The following HPCAL1 variants were observed in gnomAD, a reference collection of about 807,000 sequenced individuals.
HPCAL1 encodes hippocalcin-like protein 1.
In HPCAL1, 8 loss-of-function variants were observed where a neutral mutation model predicts 17.1. The observed-to-expected ratio is 0.47, with a 90% confidence interval of 0.27 to 0.84. HPCAL1 has a LOEUF of 0.84. Among genes scored for constraint, HPCAL1 ranks in the 40% least tolerant of loss-of-function variants. The pLI, the probability that HPCAL1 is intolerant of heterozygous loss-of-function variation, is 0.13. For synonymous variants in HPCAL1, 112 were observed against 111.4 expected, an observed-to-expected ratio of 1.01 and a Z score of -0.03; for missense variants, 165 against 271.1, an observed-to-expected ratio of 0.61 and a Z score of 2.75.
chr2:10,329,780 T>C (rs904114465), intron 1 of HPCAL1, among the ~76,000 whole-genome samples: 13 of 152,146 alleles, frequency 8.5e-5, no homozygotes, highest in African/African-American at 2.4e-4. Context: ...TGGGCCTGGG[T>C]TGGGGCTCCC....
intron 1 of HPCAL1, among the ~76,000 whole-genome samples, chr2:10,368,169 TTG>T (rs1558491251): frequency 6.7e-6 from 1 of 149,886 alleles, no homozygotes; most frequent in African/African-American, 2.5e-5. Context: ...TGTGTGTGCA[TTG>T]TGTGTAGGTT....
rs758517753 is a variant in HPCAL1, at chr2:10,420,044, A to C, written c.287A>C (p.Lys96Thr). ...IIALSVTSRGKLEQKLKWAFS... is the reference protein window; with the variant it reads ...IIALSVTSRGTLEQKLKWAFS... ...GCGCTGAGCGTGACCTCGCGGGGCA[A>C]GCTGGAGCAGAAGCTCAAGTGGGCC... is the stretch of plus-strand genomic sequence containing the variant. The change falls in exon 3 of 5, where the codon AAG (lysine) becomes ACG (threonine). Residue 96 changes from lysine (K) to threonine (T), a missense_variant. Coordinates refer to ENST00000307845, the MANE Select transcript of HPCAL1 (RefSeq NM_002149.4). The C allele has an allele frequency of 6.2e-7, 1 of 1,613,846 alleles. No homozygotes were observed. Among genetic ancestry groups the C allele is most frequent in the South Asian group, 1.1e-5 (1 of 91,080 alleles).
chr2:10,353,521 T>C (rs1376120408), intron 1 of HPCAL1, among the ~76,000 whole-genome samples: 1 of 152,206 alleles, frequency 6.6e-6, no homozygotes, highest in Non-Finnish European at 1.5e-5. Context: ...AGGACTGAAA[T>C]GATCAGCTTT....
chr2:10,309,471 T>C (rs990153024), intron 1 of HPCAL1, among the ~76,000 whole-genome samples: 2 of 152,236 alleles, frequency 1.3e-5, no homozygotes, highest in African/African-American at 4.8e-5. Context: ...AGTAATGATA[T>C]GCCCTTTTAT....
intron 2 of HPCAL1, among the ~76,000 whole-genome samples, chr2:10,405,751 G>A (rs555724215): frequency 2.6e-5 from 4 of 152,280 alleles, no homozygotes; most frequent in South Asian, 2.1e-4. Flanking sequence ...TGGGGGCCTC[G>A]GGCAGGAGCA....
At chr2:10,370,295 A>G (rs968522640) in intron 1 of HPCAL1, among the ~76,000 whole-genome samples, 5 of 152,218 alleles carry the variant, frequency 3.3e-5, no homozygotes, top group African/African-American at 1.2e-4. Flanking sequence ...GGGCACAGAG[A>G]AGCAGCCTGT....
rs749718464 is a variant in HPCAL1, at chr2:10,374,628, A to G, written c.-110-22207A>G. 1.9e-4 allele frequency among the ~76,000 whole-genome samples: 29 copies of G among 152,242 alleles called. 1 individual carries two copies. Among genetic ancestry groups the G allele is most frequent in the Non-Finnish European group, 4.3e-4 (29 of 68,042 alleles). Reference sequence around the variant, plus strand: ...CCTCCAGAAATGCAGGGAGACAGACACGGGCGTATTTAATTCAACTATAGC... The same window carrying G: ...CCTCCAGAAATGCAGGGAGACAGACGCGGGCGTATTTAATTCAACTATAGC... On this transcript the variant is annotated intron_variant, in intron 1 of 4. Transcript: ENST00000307845.
intron 2 of HPCAL1, among the ~76,000 whole-genome samples, chr2:10,414,720 G>A (rs1333612917): frequency 3.3e-5 from 5 of 152,110 alleles, no homozygotes; most frequent in Admixed American, 6.5e-5. Flanking sequence ...CTCTGGCCAC[G>A]TGCCAGAGAG....
At chr2:10,374,306 G>C (rs1428061572) in intron 1 of HPCAL1, among the ~76,000 whole-genome samples, 1 of 54,910 alleles carries the variant, frequency 1.8e-5, no homozygotes, top group Non-Finnish European at 2.9e-5. Context: ...CAAAATACAG[G>C]GCAAAAAAAA....
At chr2:10,378,229 T>G (rs1039596819) in intron 1 of HPCAL1, among the ~76,000 whole-genome samples, 6 of 147,320 alleles carry the variant, frequency 4.1e-5, no homozygotes, top group African/African-American at 1.5e-4. Flanking sequence ...TCATGTTTTT[T>G]TTTTTTTTTT....
rs143949755 is a variant in HPCAL1, at chr2:10,335,985, G to A, written c.-111+32808G>A. On this transcript the variant is annotated intron_variant, in intron 1 of 4. Coordinates refer to ENST00000307845, the MANE Select transcript of HPCAL1 (RefSeq NM_002149.4). ...TAATTGCATGTTCATATCCTCTGCTGTAAATTAATTGCATGTTCGTATCCT... is the reference window on the plus strand; with the variant it reads ...TAATTGCATGTTCATATCCTCTGCTATAAATTAATTGCATGTTCGTATCCT... Among the ~76,000 whole-genome samples, 461 of 139,764 alleles carry A rather than the reference G, an allele frequency of 3.3e-3. 5 individuals carry two copies. Among genetic ancestry groups the A allele is most frequent in the African/African-American group, 0.012 (443 of 35,930 alleles). The allele number at this position is 139,764 out of a possible 152,430, so 91.7% of individuals were successfully genotyped here. A position where few individuals can be genotyped will look rare whatever the true frequency, so the allele number is the denominator to read the frequency against.
intron 2 of HPCAL1, among the ~76,000 whole-genome samples, chr2:10,410,223 G>T (rs1670262703): frequency 6.6e-6 from 1 of 152,170 alleles, no homozygotes. Context: ...AATGGGATGA[G>T]ATGCCAACCA....
rs892140766 is a variant in HPCAL1 at position 10,304,811 on chromosome 2, A to G, written c.-111+1634A>G. 6.6e-5 allele frequency among the ~76,000 whole-genome samples: 10 copies of G among 152,224 alleles called. No homozygotes were observed. The East Asian group carries it at 1.9e-3, about 29-fold the overall frequency. On this transcript the variant is annotated intron_variant, in intron 1 of 4. Coordinates refer to ENST00000307845, the MANE Select transcript of HPCAL1 (RefSeq NM_002149.4). This position sits in a 1 kb window ranked among gnomAD's most constrained non-coding sequence, Gnocchi z 4.1. Reference sequence around the variant, plus strand: ...GAAAAAAATCGCCTTTAACCAAGGGAGCCAAGATCTCACCAGTGCAGGAGG... The same window carrying G: ...GAAAAAAATCGCCTTTAACCAAGGGGGCCAAGATCTCACCAGTGCAGGAGG...
intron 1 of HPCAL1, among the ~76,000 whole-genome samples, chr2:10,351,927 C>T (rs1444892916): frequency 6.0e-5 from 8 of 132,924 alleles, no homozygotes; most frequent in South Asian, 5.1e-4. Flanking sequence ...TTTTTTTTGA[C>T]GGAGTCTCAC....
Position 10,330,616 on chromosome 2 carries a change from G to A in HPCAL1, c.-111+27439G>A, listed in dbSNP as rs1449731254. Among the ~76,000 whole-genome samples, 2 of 152,172 alleles carry A rather than the reference G, an allele frequency of 1.3e-5. No homozygotes were observed. The highest frequency in any genetic ancestry group is 2.9e-5 in the Non-Finnish European group (2 of 68,024). On this transcript the variant is annotated intron_variant, in intron 1 of 4. Transcript: ENST00000307845. The surrounding 1 kb of genome is among the most constrained non-coding windows in gnomAD (Gnocchi z 4.2). ...CACGGCCATCCCTCCGAGTGTGTCT[G>A]AGTCCCAGTCTCCTTGTGAGGACAC...
At chr2:10,307,938 A>G (rs894148673) in intron 1 of HPCAL1, among the ~76,000 whole-genome samples, 14 of 152,216 alleles carry the variant, frequency 9.2e-5, no homozygotes, top group African/African-American at 3.4e-4. Flanking sequence ...AGTGCTTCTG[A>G]TACCTACTGT....
intron 1 of HPCAL1, among the ~76,000 whole-genome samples, chr2:10,320,331 G>C (rs1331568421): frequency 6.6e-6 from 1 of 152,170 alleles, no homozygotes; most frequent in East Asian, 1.9e-4. Context: ...AGCCTGGTGG[G>C]GGGTGATTGG....
rs780011068 is a variant in HPCAL1, at chr2:10,321,632, G to A, written c.-111+18455G>A. The stretch of plus-strand genomic sequence containing the variant: ...TTAGCAGTCACTCCTCAATCTCCTC[G>A]TGCCCTAGGCCCTGGAAACCAATAA... On this transcript the variant is annotated intron_variant, in intron 1 of 4. Transcript: ENST00000307845. 3.1e-4 allele frequency among the ~76,000 whole-genome samples: 47 copies of A among 152,116 alleles called. 1 individual carries two copies. Among genetic ancestry groups the A allele is most frequent in the Middle Eastern group, 6.8e-3 (2 of 294 alleles).
intron 1 of HPCAL1, among the ~76,000 whole-genome samples, chr2:10,393,682 G>A (rs529348714): frequency 5.0e-4 from 76 of 152,328 alleles, no homozygotes; most frequent in African/African-American, 1.8e-3. Context: ...ACCAGATAGC[G>A]AGGGACCTCA....
Sources: gnomAD v4.1 joint callset for allele counts (sites outside exome capture counted in the v4.1 genomes callset) on GRCh38, gnomAD v4.1.1 for gene constraint, Gnocchi (gnomAD v3.1) non-coding constraint, MANE v1.5 for transcripts, NCBI Gene and HGNC (gene_info 2026-07-23, HGNC 2026-07-21) for gene names.